Variants in OCIAD1 observed in about 807,000 individuals in gnomAD.
The protein encoded by OCIAD1 is OCIA domain containing 1.
Under a neutral mutation model 38.9 loss-of-function variants are expected in OCIAD1, and 29 were observed. That is an observed-to-expected ratio of 0.74 (90% CI 0.55 to 1.02). The LOEUF (loss-of-function observed/expected upper bound fraction) is 1.02. Ranked by LOEUF, OCIAD1 falls within the 50% of genes least tolerant of loss-of-function variation. OCIAD1 has a pLI of 0.00. For missense variants in OCIAD1, 288 were observed against 289.6 expected, an observed-to-expected ratio of 0.99 and a Z score of 0.04; for synonymous variants, 110 against 92.0, an observed-to-expected ratio of 1.20 and a Z score of -1.12.
intron 1 of OCIAD1, 193 bp downstream of exon 1, chr4:48,831,442 G>T: frequency 8.0e-7 from 1 of 1,247,930 alleles, no homozygotes; most frequent in Non-Finnish European, 1.1e-6. Context: ...GTGTGAGCTG[G>T]GGAAGTTCGT....
At chr4:48,852,882 G>GTTTTTTTTTTTTGT (rs1553901201) in intron 7 of OCIAD1, among the ~76,000 whole-genome samples, 20 of 126,308 alleles carry the variant, frequency 1.6e-4, no homozygotes, top group Admixed American at 3.9e-4. Flanking sequence ...TTTGTTTTTT[G>GTTTTTTTTTTTTGT]TTTTTTTTTT....
chr4:48,832,792 G>T, intron 2 of OCIAD1, 110 bp downstream of exon 2: 1 of 772,150 alleles, frequency 1.3e-6, no homozygotes, highest in African/African-American at 1.7e-5. Context: ...TGTGCAGACA[G>T]CGCCCCATAC....
At chr4:48,824,103 T>C (rs1777225050) in intron 1 of OCIAD1, among the ~76,000 whole-genome samples, 1 of 152,036 alleles carries the variant, frequency 6.6e-6, no homozygotes, top group African/African-American at 2.4e-5. Context: ...TTCAGCCTCC[T>C]GAATAGCTGG....
chr4:48,812,559 G>A (rs1447475239), intron 1 of OCIAD1, among the ~76,000 whole-genome samples: 2 of 152,088 alleles, frequency 1.3e-5, no homozygotes, highest in African/African-American at 4.8e-5. Context: ...GAGAATAAAG[G>A]AGTGATTGAC....
At chr4:48,813,394 C>G (rs766967043) in intron 1 of OCIAD1, among the ~76,000 whole-genome samples, 4 of 152,208 alleles carry the variant, frequency 2.6e-5, no homozygotes, top group African/African-American at 7.2e-5. Flanking sequence ...TGGCTCACGC[C>G]TGTAATCCCA....
chr4:48,846,511 G>A (rs1302844082), intron 4 of OCIAD1, among the ~76,000 whole-genome samples: 2 of 152,170 alleles, frequency 1.3e-5, no homozygotes, highest in Non-Finnish European at 2.9e-5. Flanking sequence ...CACTTTGGGA[G>A]GCTGAGGCAG....
intron 1 of OCIAD1, among the ~76,000 whole-genome samples, chr4:48,820,122 G>A (rs374140434): frequency 3.9e-5 from 6 of 152,040 alleles, no homozygotes; most frequent in African/African-American, 7.2e-5. Context: ...CACATAGCAC[G>A]TATTCTAAAA....
intron 8 of OCIAD1, among the ~76,000 whole-genome samples, 179 bp downstream of exon 8, chr4:48,857,544 G>A (rs909030018): frequency 2.0e-5 from 3 of 147,658 alleles, no homozygotes; most frequent in East Asian, 2.0e-4. Context: ...TTTTTGAGAC[G>A]GAGTCTTGCT....
chr4:48,805,731 C>T (rs1378583234), intron 1 of OCIAD1, among the ~76,000 whole-genome samples: 1 of 151,324 alleles, frequency 6.6e-6, no homozygotes, highest in Non-Finnish European at 1.5e-5. Flanking sequence ...CCCTTTTACG[C>T]AAATTTTCCT....
intron 3 of OCIAD1, among the ~76,000 whole-genome samples, chr4:48,841,506 CAG>C (rs1778531174): frequency 6.6e-6 from 1 of 152,160 alleles, no homozygotes; most frequent in Admixed American, 6.6e-5. Flanking sequence ...ATTAGAGACT[CAG>C]TGCCCACAGT....
At chr4:48,816,687 G>A (rs1326455466) in intron 1 of OCIAD1, among the ~76,000 whole-genome samples, 2 of 152,050 alleles carry the variant, frequency 1.3e-5, no homozygotes, top group Non-Finnish European at 2.9e-5. Flanking sequence ...ATTTGAAACG[G>A]TGGCAGGGCA....
At chr4:48,848,721 ATTT>A (rs1423965533) in intron 5 of OCIAD1, 8 of 224,154 alleles carry the variant, frequency 3.6e-5, no homozygotes, top group Non-Finnish European at 6.9e-5. Context: ...TTGAAAATAA[ATTT>A]TTGGTCTGTC....
At chr4:48,806,183 C>G (rs1367842312) in intron 1 of OCIAD1, among the ~76,000 whole-genome samples, 1 of 152,156 alleles carries the variant, frequency 6.6e-6, no homozygotes, top group Non-Finnish European at 1.5e-5. Flanking sequence ...AGGAGAATCG[C>G]TTGAACCCGG....
upstream of OCIAD1, among the ~76,000 whole-genome samples, chr4:48,826,784 A>C (rs1777256757): frequency 6.6e-6 from 1 of 152,220 alleles, no homozygotes; most frequent in African/African-American, 2.4e-5. Flanking sequence ...CTACCACTCT[A>C]TCTTGCTTTC....
intron 7 of OCIAD1, among the ~76,000 whole-genome samples, chr4:48,855,038 GTCT>G (rs1184929595): frequency 2.6e-5 from 4 of 152,236 alleles, no homozygotes; most frequent in African/African-American, 7.2e-5. Context: ...ATTCTCCCCA[GTCT>G]TCTTCTGTCT....
At chr4:48,813,870 A>C (rs1196299085) in intron 1 of OCIAD1, among the ~76,000 whole-genome samples, 2 of 152,236 alleles carry the variant, frequency 1.3e-5, no homozygotes, top group Non-Finnish European at 2.9e-5. Context: ...GTTGGCTTGA[A>C]TTTTAAACAT....
At chr4:48,827,375 C>CA, upstream of OCIAD1, among the ~76,000 whole-genome samples, 1 of 152,254 alleles carries the variant, frequency 6.6e-6, no homozygotes, top group South Asian at 2.1e-4. Context: ...ATGGAGGTAT[C>CA]ATGAAGACTG....
chr4:48,817,687 C>T (rs1280601015), intron 1 of OCIAD1, among the ~76,000 whole-genome samples: 1 of 152,226 alleles, frequency 6.6e-6, no homozygotes, highest in Non-Finnish European at 1.5e-5. Flanking sequence ...GCTTGAAATT[C>T]TTGCTGCCAG....
intron 3 of OCIAD1, among the ~76,000 whole-genome samples, chr4:48,838,576 T>C (rs764926217): frequency 4.6e-5 from 7 of 152,230 alleles, no homozygotes; most frequent in Admixed American, 1.3e-4. Flanking sequence ...TAATCATACA[T>C]AGGAAATTTT....
Sources: gnomAD v4.1 joint callset for allele counts (sites outside exome capture counted in the v4.1 genomes callset) on GRCh38, gnomAD v4.1.1 for gene constraint, MANE v1.5 for transcripts, NCBI Gene and HGNC (gene_info 2026-07-23, HGNC 2026-07-21) for gene names.